The following BMPR1B variants were observed in gnomAD, a reference collection of about 807,000 sequenced individuals.
The protein encoded by BMPR1B is bone morphogenetic protein receptor type-1B.
Under a neutral mutation model 59.1 loss-of-function variants are expected in BMPR1B, and 12 were observed. That is an observed-to-expected ratio of 0.20 (90% confidence interval 0.13 to 0.33). BMPR1B has a LOEUF of 0.33. BMPR1B is among the 10% of genes least tolerant of loss of function. The pLI, the probability that BMPR1B is intolerant of heterozygous loss-of-function variation, is 1.00. For missense variants in BMPR1B, 550 were observed against 610.9 expected (o/e 0.90, Z 1.05); for synonymous variants, 237 against 207.3 (o/e 1.14, Z -1.23).
At chr4:94,842,298 G>A (rs6858132) in intron 1 of BMPR1B, among the ~76,000 whole-genome samples, 92,928 of 151,532 alleles carry the variant, frequency 0.61, 29,452 homozygotes, top group African/African-American at 0.78. Context: ...ATAAGTTTAA[G>A]CAAGTCTTAA....
intron 3 of BMPR1B, among the ~76,000 whole-genome samples, chr4:95,059,738 T>C (rs1261597341): frequency 6.6e-6 from 1 of 152,200 alleles, no homozygotes; most frequent in Non-Finnish European, 1.5e-5. Context: ...ATTTAATCTA[T>C]CAAAGCCACA....
At chr4:94,859,303 A>G (rs1304309278) in intron 1 of BMPR1B, among the ~76,000 whole-genome samples, 1 of 152,218 alleles carries the variant, frequency 6.6e-6, no homozygotes, top group African/African-American at 2.4e-5. Flanking sequence ...AGGATTTTAA[A>G]AAAACTTCCG....
intron 4 of BMPR1B, among the ~76,000 whole-genome samples, chr4:95,112,522 G>A (rs1348971086): frequency 6.6e-6 from 1 of 152,112 alleles, no homozygotes; most frequent in Non-Finnish European, 1.5e-5. Flanking sequence ...TTCCTTGCTG[G>A]AGAGCAATGT....
intron 3 of BMPR1B, among the ~76,000 whole-genome samples, chr4:95,069,960 A>T (rs1055741405): frequency 2.6e-5 from 4 of 152,124 alleles, no homozygotes; most frequent in Admixed American, 1.3e-4. Flanking sequence ...TTAGCCGGGC[A>T]TGGTGGCACA....
intron 1 of BMPR1B, among the ~76,000 whole-genome samples, chr4:94,857,380 C>T (rs910341183): frequency 6.6e-6 from 1 of 152,080 alleles, no homozygotes. Context: ...AGAAGGTTAG[C>T]ACTTTATCTT....
At chr4:94,991,601 C>G (rs751022616) in intron 2 of BMPR1B, among the ~76,000 whole-genome samples, 2 of 152,070 alleles carry the variant, frequency 1.3e-5, no homozygotes, top group Non-Finnish European at 2.9e-5. Flanking sequence ...AGAAGGATAC[C>G]AAGGGTAAAC....
At chr4:95,011,151 C>T (rs1247692419) in intron 3 of BMPR1B, among the ~76,000 whole-genome samples, 1 of 151,898 alleles carries the variant, frequency 6.6e-6, no homozygotes, top group Non-Finnish European at 1.5e-5. Flanking sequence ...AAACTTGGGT[C>T]ACGGTGGTTT....
At chr4:95,020,199 T>G (rs1343825685) in intron 3 of BMPR1B, among the ~76,000 whole-genome samples, 8 of 152,186 alleles carry the variant, frequency 5.3e-5, no homozygotes, top group Non-Finnish European at 1.2e-4. Flanking sequence ...TTATTTTTAC[T>G]GCTAGGTAGG....
chr4:95,008,742 A>G (rs1257998201), intron 3 of BMPR1B, among the ~76,000 whole-genome samples: 1 of 152,192 alleles, frequency 6.6e-6, no homozygotes. Context: ...AAATTGGTTT[A>G]GTATATAGAA....
At chr4:94,843,544 C>T (rs913752023) in intron 1 of BMPR1B, among the ~76,000 whole-genome samples, 1 of 152,072 alleles carries the variant, frequency 6.6e-6, no homozygotes, top group Non-Finnish European at 1.5e-5. Flanking sequence ...TTCTTTTATT[C>T]TTGTTGTATT....
intron 6 of BMPR1B, among the ~76,000 whole-genome samples, chr4:95,119,997 C>T (rs1732356438): frequency 6.6e-6 from 1 of 152,068 alleles, no homozygotes; most frequent in Admixed American, 6.5e-5. Context: ...GCATAGTACC[C>T]AATAGGCAGT....
At chr4:94,972,626 A>ATT (rs140041797) in intron 2 of BMPR1B, among the ~76,000 whole-genome samples, 115 of 148,134 alleles carry the variant, frequency 7.8e-4, no homozygotes, top group African/African-American at 2.8e-3. Context: ...GGTTTCTTCC[A>ATT]TTTTTTTTTT....
chr4:95,152,718 T>C lies in BMPR1B; in HGVS notation c.1328T>C (p.Ile443Thr), dbSNP rs752045710. 21 of 1,605,804 alleles carry C rather than the reference T, an allele frequency of 1.3e-5. No homozygotes were observed. The highest frequency in any genetic ancestry group is 4.0e-5 in the African/African-American group (3 of 74,846). Residue 443 changes from isoleucine to threonine, a missense_variant, in exon 12 of 13, where the codon ATT (isoleucine) becomes ACT (threonine). By Grantham distance (89) the Ile-to-Thr change is moderately conservative. This residue lies in a region of BMPR1B where 123 missense variants were observed against 164.6 expected (regional missense o/e 0.75). Transcript: ENST00000515059. ...CCCTCTTATGAGGACATGAGGGAGA[T>C]TGTGTGCATCAAGAAGTTACGCCCC... ...SDPSYEDMRE[I>T]VCIKKLRPSF...
chr4:94,892,894 TAA>T (rs1727453513), intron 2 of BMPR1B, among the ~76,000 whole-genome samples: 2 of 152,078 alleles, frequency 1.3e-5, no homozygotes, highest in African/African-American at 4.8e-5. Context: ...AAATGTGGGA[TAA>T]CGAACTTTGG....
intron 1 of BMPR1B, among the ~76,000 whole-genome samples, chr4:94,827,603 A>T (rs1724430801): frequency 1.3e-5 from 2 of 152,096 alleles, no homozygotes; most frequent in Non-Finnish European, 2.9e-5. Flanking sequence ...ATATTCACTG[A>T]TGCCTTTGTT....
At chr4:95,115,228 A>C (rs1380610508) in intron 5 of BMPR1B, among the ~76,000 whole-genome samples, 1 of 152,170 alleles carries the variant, frequency 6.6e-6, no homozygotes, top group African/African-American at 2.4e-5. Context: ...TCACCTCATA[A>C]CACATTTCTC....
At chr4:95,024,517 TG>T (rs1448336332) in intron 3 of BMPR1B, among the ~76,000 whole-genome samples, 1 of 152,154 alleles carries the variant, frequency 6.6e-6, no homozygotes, top group Admixed American at 6.6e-5. Flanking sequence ...GAGAGTTACC[TG>T]ACAAGGGCTT....
At chr4:94,949,716 G>A (rs1729857512) in intron 2 of BMPR1B, among the ~76,000 whole-genome samples, 1 of 152,148 alleles carries the variant, frequency 6.6e-6, no homozygotes, top group African/African-American at 2.4e-5. Context: ...TTGGTTCCAA[G>A]TCTTTGCTAT....
intron 3 of BMPR1B, among the ~76,000 whole-genome samples, chr4:95,025,061 C>T (rs961749547): frequency 6.6e-6 from 1 of 151,940 alleles, no homozygotes; most frequent in Non-Finnish European, 1.5e-5. Flanking sequence ...AGATTCCAGC[C>T]TGGTGACAGA....
Sources: allele counts gnomAD v4.1 joint callset (sites outside exome capture counted in the v4.1 genomes callset), GRCh38; gene constraint gnomAD v4.1.1; regional missense constraint gnomAD v4.1.1; transcripts MANE v1.5; gene names NCBI Gene and HGNC (gene_info 2026-07-23, HGNC 2026-07-21).